Variants in ZNF43 observed in about 807,000 individuals in gnomAD.
The protein encoded by ZNF43 is zinc finger protein 43, also known as zinc finger protein 39-like 1 (KOX 27).
In ZNF43, 44 loss-of-function variants were observed where a neutral mutation model predicts 68.4. That is an observed-to-expected ratio of 0.64 (90% CI 0.51 to 0.83). The LOEUF (loss-of-function observed/expected upper bound fraction) is 0.83, where lower values mean the gene tolerates loss of function less well. Among genes scored for constraint, ZNF43 ranks in the 40% least tolerant of loss-of-function variants. The probability of loss-of-function intolerance (pLI) is 0.00; values close to 1 mark genes in which losing one functional copy is unlikely to be tolerated. For synonymous variants in ZNF43, 308 were observed against 307.8 expected (o/e 1.00, Z -0.01); for missense variants, 896 against 933.2 (o/e 0.96, Z 0.52).
In ZNF43 at chr19:21,824,728, T is replaced by C. The variant is rs531633473; in HGVS notation, c.4-5507A>G. On this transcript the variant is annotated intron_variant, in intron 1 of 3. Coordinates refer to ENST00000354959, the MANE Select transcript of ZNF43 (RefSeq NM_003423.4). ...TGTAGCACATTTAAAATAATATGTT[T>C]ACCTAAAAAAAAAAAAAAAAAAAGA... is the stretch of plus-strand genomic sequence containing the variant. Among the ~76,000 whole-genome samples the C allele has an allele frequency of 6.5e-5, 8 of 123,860 alleles. No homozygotes were observed. In the South Asian group the frequency reaches 2.1e-3, roughly 32 times the overall value. The allele number at this position is 123,860 out of a possible 152,430, so 81.3% of individuals were successfully genotyped here. A position where few individuals can be genotyped will look rare whatever the true frequency, so the allele number is the denominator to read the frequency against.
chr19:21,810,680 C>T (rs1196085069), intron 3 of ZNF43, among the ~76,000 whole-genome samples: 5 of 152,134 alleles, frequency 3.3e-5, no homozygotes, highest in African/African-American at 4.8e-5. Flanking sequence ...TGGGTGCAGT[C>T]GCTTATGCTT....
rs1335632010 is a variant in ZNF43 at position 21,819,150 on chromosome 19, C to T, written c.75G>A (p.Gln25=). The part of the protein sequence containing the change: ...LEEWQCLDIA[Q]QNLYRNVMLE... Reference sequence around the variant, plus strand: ...ACATCACATTCCTATATAAATTCTGCTGTGCAATGTCCAGGCATTGCCACT... The same window carrying T: ...ACATCACATTCCTATATAAATTCTGTTGTGCAATGTCCAGGCATTGCCACT... The change falls in exon 2 of 4, where the codon CAG becomes CAA. Residue 25 remains glutamine (Q), a synonymous_variant. Transcript: ENST00000354959. 6.2e-7 allele frequency: 1 copy of T among 1,611,314 alleles called. No individual in the cohort carries two copies. The highest frequency in any genetic ancestry group is 8.5e-7 in the Non-Finnish European group (1 of 1,178,946).
chr19:21,821,628 A>G lies in ZNF43; in HGVS notation c.4-2407T>C, dbSNP rs185952369. Among the ~76,000 whole-genome samples, 3 of 151,740 alleles carry G rather than the reference A, an allele frequency of 2.0e-5. No individual in the cohort carries two copies. In the East Asian group the frequency reaches 5.9e-4, roughly 30 times the overall value. ...GTATCCACACCTTCCCATGTTCAAC[A>G]ACCATGAAAGGATCATTTTTAATAT... On this transcript the variant is annotated intron_variant, in intron 1 of 3. Transcript: ENST00000354959.
At chr19:21,823,569 G>C (rs1202521788) in intron 1 of ZNF43, among the ~76,000 whole-genome samples, 6 of 141,800 alleles carry the variant, frequency 4.2e-5, no homozygotes, top group Non-Finnish European at 7.5e-5. Flanking sequence ...AAAGAATCAG[G>C]CCTTTTTTTT....
At position 21,807,465 on chromosome 19, in the gene ZNF43, CATTA is replaced by C. The variant is rs1227496748; in HGVS notation, c.*138_*141del. The C allele has an allele frequency of 1.3e-5, 10 of 784,710 alleles. No individual in the cohort carries two copies. Among genetic ancestry groups the C allele is most frequent in the Non-Finnish European group, 1.9e-5 (10 of 520,624 alleles). The allele number at this position is 784,710 out of a possible 1,614,324, so 48.6% of individuals were successfully genotyped here. ...TCTTTCCTGTGCAATAAGGTACGAG[CATTA>C]ATTAAAAGTTTTGCCACATTCTTCA... is the stretch of plus-strand genomic sequence containing the variant. On this transcript the variant is annotated 3_prime_UTR_variant, in exon 4 of 4. Transcript: ENST00000354959.
chr19:21,850,657 G>A (rs1968286467), intron 1 of ZNF43, among the ~76,000 whole-genome samples: 1 of 152,112 alleles, frequency 6.6e-6, no homozygotes, highest in African/African-American at 2.4e-5. Flanking sequence ...AAATATTCAG[G>A]GACTAAGGAA....
In ZNF43 at chr19:21,836,123, AG is replaced by A. The variant is rs1396606148; in HGVS notation, c.-86del. ...ACAGAGCCACAGAGGCTGGACCTCT[AG>A]CAGCAGAGGACACAGAAGAACGAAG... is the stretch of plus-strand genomic sequence containing the variant. On this transcript the variant is annotated 5_prime_UTR_variant, in exon 1 of 4. Transcript: ENST00000354959. 19 of 1,607,526 alleles carry A rather than the reference AG, an allele frequency of 1.2e-5. No homozygotes were observed. Among genetic ancestry groups the A allele is most frequent in the Non-Finnish European group, 1.4e-5 (17 of 1,176,066 alleles).
intron 3 of ZNF43, among the ~76,000 whole-genome samples, chr19:21,816,166 C>T (rs1232352151): frequency 2.0e-5 from 3 of 152,068 alleles, no homozygotes; most frequent in Non-Finnish European, 4.4e-5. Flanking sequence ...CTTATCCCCA[C>T]AGAGCAAGAA....
chr19:21,844,912 AAAAAAAAAAAT>A (rs1967812733), intron 1 of ZNF43, among the ~76,000 whole-genome samples: 1 of 118,596 alleles, frequency 8.4e-6, no homozygotes, highest in Non-Finnish European at 1.7e-5. Flanking sequence ...AAAAAAAAAA[AAAAAAAAAAAT>A]ATATATATAT....
At chr19:21,819,031 C>A in intron 2 of ZNF43, 64 bp downstream of exon 2, 1 of 1,554,842 alleles carries the variant, frequency 6.4e-7, no homozygotes. Context: ...AAAAAACAGT[C>A]TACAGAAAAC....
intron 3 of ZNF43, among the ~76,000 whole-genome samples, chr19:21,813,463 C>G (rs1221261660): frequency 6.6e-6 from 1 of 152,016 alleles, no homozygotes; most frequent in Non-Finnish European, 1.5e-5. Flanking sequence ...TAATATAGAT[C>G]TACAATGTAA....
At chr19:21,826,746 G>A (rs1423528281) in intron 1 of ZNF43, among the ~76,000 whole-genome samples, 3 of 151,810 alleles carry the variant, frequency 2.0e-5, no homozygotes, top group Admixed American at 2.0e-4. Context: ...TGAGGCAGGG[G>A]AATCACTTGA....
In ZNF43 at chr19:21,836,076, G is replaced by T. The variant is rs760699517; in HGVS notation, c.-38C>A. ...GGGGGGTCCTGGCGTCTTAGCTGTG[G>T]ATCCCCCAATACCCGCAGGTCACAG... On this transcript the variant is annotated 5_prime_UTR_variant, in exon 1 of 4. Transcript: ENST00000354959. The T allele has an allele frequency of 1.8e-5, 29 of 1,613,426 alleles. No individual in the cohort carries two copies. Among genetic ancestry groups the T allele is most frequent in the Admixed American group, 8.3e-5 (5 of 59,994 alleles).
At chr19:21,823,571 C>CTTTT (rs10605024) in intron 1 of ZNF43, among the ~76,000 whole-genome samples, 9 of 83,510 alleles carry the variant, frequency 1.1e-4, no homozygotes, top group Non-Finnish European at 1.5e-4. Flanking sequence ...AGAATCAGGC[C>CTTTT]TTTTTTTTTT....
At position 21,807,442 on chromosome 19, in the gene ZNF43, T is replaced by C. The variant is rs2036990368; in HGVS notation, c.*165A>G. The C allele has an allele frequency of 4.7e-6, 3 of 641,442 alleles. No individual in the cohort carries two copies. The highest frequency in any genetic ancestry group is 3.3e-5 in the South Asian group (1 of 29,892). 39.7% of individuals were successfully genotyped at this position (641,442 alleles called of 1,614,324 possible). ...TATACCTTTTTCCAAGTAAAAATTC[T>C]TTCCTGTGCAATAAGGTACGAGCAT... On this transcript the variant is annotated 3_prime_UTR_variant, in exon 4 of 4. Transcript: ENST00000354959.
At chr19:21,827,448 G>A (rs1209432028) in intron 1 of ZNF43, among the ~76,000 whole-genome samples, 4 of 150,636 alleles carry the variant, frequency 2.7e-5, no homozygotes, top group African/African-American at 7.3e-5. Flanking sequence ...TGCAACCTCC[G>A]CCTCCCAGGT....
exon 1 of ZNF43, chr19:21,852,061 G>A: frequency 9.6e-7 from 1 of 1,045,142 alleles, no homozygotes; most frequent in Non-Finnish European, 1.3e-6. Context: ...GCGGGAGCTG[G>A]AGACAAAGGC....
chr19:21,843,696 G>A (rs1967699149), intron 1 of ZNF43, among the ~76,000 whole-genome samples: 1 of 152,162 alleles, frequency 6.6e-6, no homozygotes, highest in Non-Finnish European at 1.5e-5. Flanking sequence ...GGCTGAGGCA[G>A]GAGAATCACT....
intron 1 of ZNF43, chr19:21,851,255 G>A (rs12979533): frequency 0.049 from 7,386 of 152,246 alleles, 256 homozygotes; most frequent in Non-Finnish European, 0.075. Flanking sequence ...GGCCGGGCGC[G>A]GTGGCTCACG....
Sources: allele counts gnomAD v4.1 joint callset (sites outside exome capture counted in the v4.1 genomes callset), GRCh38; gene constraint gnomAD v4.1.1; transcripts MANE v1.5; gene names NCBI Gene and HGNC (gene_info 2026-07-23, HGNC 2026-07-21).